Variants in GPR176 observed in about 807,000 individuals in gnomAD.
GPR176 encodes G protein-coupled receptor 176.
A neutral mutation model predicts 35.4 loss-of-function variants in GPR176; 26 were observed. The observed-to-expected ratio is 0.74, with a 90% CI of 0.54 to 1.02. The LOEUF (loss-of-function observed/expected upper bound fraction) is 1.02. Ranked by LOEUF, GPR176 falls within the 50% of genes least tolerant of loss-of-function variation. GPR176 has a pLI of 0.00. For missense variants in GPR176, 597 were observed against 665.3 expected, an observed-to-expected ratio of 0.90 and a Z score of 1.13; for synonymous variants, 278 against 271.3, an observed-to-expected ratio of 1.02 and a Z score of -0.24.
At chr15:39,850,969 G>A (rs928642537) in intron 1 of GPR176, among the ~76,000 whole-genome samples, 17 of 150,756 alleles carry the variant, frequency 1.1e-4, no homozygotes, top group Non-Finnish European at 2.2e-4. Context: ...GTTGAAAAAA[G>A]AAGAAGTAGA....
intron 1 of GPR176, among the ~76,000 whole-genome samples, chr15:39,836,167 C>T (rs183531960): frequency 1.3e-5 from 2 of 152,040 alleles, no homozygotes; most frequent in East Asian, 1.9e-4. Flanking sequence ...GGAAAGGATA[C>T]TGGAAAACAT....
intron 1 of GPR176, among the ~76,000 whole-genome samples, chr15:39,824,831 C>T (rs1900516906): frequency 6.6e-6 from 1 of 152,202 alleles, no homozygotes; most frequent in Admixed American, 6.5e-5. Flanking sequence ...CATTTTATCC[C>T]TCTACCCCTC....
intron 1 of GPR176, among the ~76,000 whole-genome samples, chr15:39,833,650 T>A (rs920380486): frequency 3.3e-5 from 5 of 152,196 alleles, no homozygotes; most frequent in Admixed American, 3.3e-4. Context: ...GTGATTTGTA[T>A]GGTAAGTGAA....
chr15:39,829,341 T>C lies in GPR176; in HGVS notation c.173-22083A>G. ...GGTCACAAAGAATGCCAAAGTTCCA[T>C]GGGGGCAATGTGTGCGCAGGACACA... On this transcript the variant is annotated intron_variant, in intron 1 of 2. Transcript: ENST00000561100. 2.2e-6 allele frequency: 3 copies of C among 1,343,788 alleles called. No homozygotes were observed. In the South Asian group the frequency reaches 4.7e-5, roughly 21 times the overall value. The allele number at this position is 1,343,788 out of a possible 1,614,324, so 83.2% of individuals were successfully genotyped here.
At chr15:39,826,416 G>A (rs930813330) in intron 1 of GPR176, among the ~76,000 whole-genome samples, 1 of 152,046 alleles carries the variant, frequency 6.6e-6, no homozygotes, top group African/African-American at 2.4e-5. Context: ...GGACCCCAGG[G>A]GTGCTTAAAA....
intron 1 of GPR176, among the ~76,000 whole-genome samples, chr15:39,895,886 AAACTATC>A (rs1265997133): frequency 1.3e-5 from 2 of 152,228 alleles, no homozygotes; most frequent in African/African-American, 4.8e-5. Context: ...GTAAAACTAT[AAACTATC>A]AAAGCCTTTC....
chr15:39,844,865 A>G (rs998297060), intron 1 of GPR176, among the ~76,000 whole-genome samples: 4 of 152,108 alleles, frequency 2.6e-5, no homozygotes, highest in African/African-American at 9.7e-5. Context: ...GTGACCAACC[A>G]TCCTGGTTTG....
At chr15:39,885,290 T>C (rs1037110178) in intron 1 of GPR176, among the ~76,000 whole-genome samples, 3 of 152,142 alleles carry the variant, frequency 2.0e-5, no homozygotes, top group African/African-American at 7.2e-5. Context: ...TTCAACAGAG[T>C]GTGTTTCCTG....
intron 1 of GPR176, among the ~76,000 whole-genome samples, chr15:39,813,801 T>G (rs938977497): frequency 6.6e-6 from 1 of 152,218 alleles, no homozygotes; most frequent in Non-Finnish European, 1.5e-5. Flanking sequence ...TTTTATAAAC[T>G]GTTTCCAATA....
At chr15:39,876,584 A>C (rs1477220170) in intron 1 of GPR176, among the ~76,000 whole-genome samples, 1 of 152,160 alleles carries the variant, frequency 6.6e-6, no homozygotes, top group Non-Finnish European at 1.5e-5. Context: ...TTATTATGGA[A>C]TGGCCTATCC....
intron 1 of GPR176, among the ~76,000 whole-genome samples, chr15:39,808,070 C>T (rs1899311441): frequency 6.6e-6 from 1 of 152,152 alleles, no homozygotes; most frequent in African/African-American, 2.4e-5. Flanking sequence ...CTACTCTTAC[C>T]AGGTTTTACA....
chr15:39,915,895 A>T (rs867611683), intron 1 of GPR176, among the ~76,000 whole-genome samples: 2 of 152,200 alleles, frequency 1.3e-5, no homozygotes, highest in African/African-American at 2.4e-5. Flanking sequence ...AAAAAGAATT[A>T]AAAAATAAAT....
At chr15:39,861,348 G>A (rs958267727) in intron 1 of GPR176, among the ~76,000 whole-genome samples, 5 of 151,970 alleles carry the variant, frequency 3.3e-5, no homozygotes, top group Admixed American at 6.6e-5. Flanking sequence ...TCAAGAGATC[G>A]AGACCACCCT....
chr15:39,876,443 A>G (rs1394522754), intron 1 of GPR176, among the ~76,000 whole-genome samples: 3 of 152,008 alleles, frequency 2.0e-5, no homozygotes, highest in African/African-American at 7.2e-5. Flanking sequence ...CTTCTCTCTC[A>G]TCTTCTTGCA....
intron 1 of GPR176, among the ~76,000 whole-genome samples, chr15:39,850,065 T>C (rs527516505): frequency 7.9e-5 from 12 of 152,234 alleles, no homozygotes; most frequent in African/African-American, 2.9e-4. Flanking sequence ...AATGGTACAC[T>C]TGTATAGGGC....
intron 1 of GPR176, among the ~76,000 whole-genome samples, chr15:39,867,747 G>C (rs1453110926): frequency 1.3e-4 from 20 of 152,152 alleles, no homozygotes; most frequent in Admixed American, 1.2e-3. Context: ...ACTGACAGGA[G>C]AGAAAAGAGG....
chr15:39,911,714 T>C (rs1006317568), intron 1 of GPR176, among the ~76,000 whole-genome samples: 5 of 152,218 alleles, frequency 3.3e-5, no homozygotes, highest in Non-Finnish European at 7.4e-5. Flanking sequence ...GCTTAGCTTA[T>C]TGAGTTTTGG....
chr15:39,864,481 C>T (rs992095959), intron 1 of GPR176, among the ~76,000 whole-genome samples: 3 of 151,956 alleles, frequency 2.0e-5, no homozygotes, highest in Non-Finnish European at 2.9e-5. Flanking sequence ...TCACCATATA[C>T]AAAAATCAAC....
chr15:39,837,473 C>T (rs933597500), intron 1 of GPR176, among the ~76,000 whole-genome samples: 1 of 152,120 alleles, frequency 6.6e-6, no homozygotes, highest in African/African-American at 2.4e-5. Flanking sequence ...CCTATTTAAG[C>T]TTTAAGGATC....
Sources: allele counts gnomAD v4.1 joint callset (sites outside exome capture counted in the v4.1 genomes callset), GRCh38; gene constraint gnomAD v4.1.1; transcripts MANE v1.5; gene names NCBI Gene and HGNC (gene_info 2026-07-23, HGNC 2026-07-21).